LRWD1: variants seen among roughly 807,000 people sequenced by gnomAD.
LRWD1 encodes the protein leucine-rich repeat and WD repeat-containing protein 1.
A neutral mutation model predicts 75.6 loss-of-function variants in LRWD1; 76 were observed. The observed-to-expected ratio is 1.01, with a 90% CI of 0.84 to 1.22. The LOEUF (loss-of-function observed/expected upper bound fraction) is 1.22, where lower values mean the gene tolerates loss of function less well. LRWD1 is among the 50% of genes most tolerant of loss of function. The pLI is 0.00. For missense variants in LRWD1, 917 were observed against 862.0 expected (o/e 1.06, Z -0.80); for synonymous variants, 487 against 377.0 (o/e 1.29, Z -3.38).
intron 1 of LRWD1, 155 bp from the exon 2 acceptor site, chr7:102,465,662 A>C (rs1797948288): frequency 1.6e-6 from 1 of 626,774 alleles, no homozygotes; most frequent in Non-Finnish European, 2.8e-6. Flanking sequence ...ACTGAGTGAC[A>C]CCCCGTCTCT....
Position 102,472,792 on chromosome 7 carries a change from G to A in LRWD1, c.1791G>A (p.Gln597=). The A allele has an allele frequency of 6.2e-7, 1 of 1,613,438 alleles. No homozygotes were observed. Among genetic ancestry groups the A allele is most frequent in the Non-Finnish European group, 8.5e-7 (1 of 1,179,928 alleles). Residue 597 remains glutamine, a synonymous_variant, in exon 14 of 15, where the codon CAG becomes CAA. Coordinates refer to ENST00000292616, the MANE Select transcript of LRWD1 (RefSeq NM_152892.3). The part of the protein sequence containing the change: ...KQPPLLPAAL[Q]APTQILKWPQ... Reference sequence around the variant, plus strand: ...CACCCCTGCTGCCGGCAGCCCTGCAGGCCCCCACACAGGTACTGCCCGGCT... The same window carrying A: ...CACCCCTGCTGCCGGCAGCCCTGCAAGCCCCCACACAGGTACTGCCCGGCT...
At position 102,467,171 on chromosome 7, in the gene LRWD1, G is replaced by GGTGTGTGTGT. The variant is rs1209487514; in HGVS notation, c.433-133_433-124dup. ...TGGGTTGTTGCTGGGGTGTGTGTGG[G>GGTGTGTGTGT]GTGTGTGTGTGTGTGTGTGTGTGTG... On this transcript the variant is annotated intron_variant, in intron 3 of 14. Transcript: ENST00000292616. Among the ~76,000 whole-genome samples, 10 of 99,148 alleles carry GGTGTGTGTGT rather than the reference G, an allele frequency of 1.0e-4. No individual in the cohort carries two copies. In the South Asian group the frequency reaches 1.0e-3, roughly 10 times the overall value. The allele number at this position is 99,148 out of a possible 152,430, so 65.0% of individuals were successfully genotyped here.
At chr7:102,468,492 G>T in intron 7 of LRWD1, 62 bp from the exon 8 acceptor site, 1 of 1,543,482 alleles carries the variant, frequency 6.5e-7, no homozygotes, top group Non-Finnish European at 8.8e-7. Context: ...GGAGGAGGCT[G>T]CAGGGAGGAC....
intron 9 of LRWD1, among the ~76,000 whole-genome samples, 186 bp from the exon 10 acceptor site, chr7:102,469,388 G>A (rs968941629): frequency 1.3e-5 from 2 of 151,704 alleles, no homozygotes; most frequent in East Asian, 2.0e-4. Flanking sequence ...TGGAGCCACC[G>A]CATCAGGTTA....
At chr7:102,467,212 G>A in intron 3 of LRWD1, 127 bp from the exon 4 acceptor site, 2 of 763,978 alleles carry the variant, frequency 2.6e-6, no homozygotes, top group Admixed American at 2.2e-5. Flanking sequence ...GTGTGTGTGT[G>A]TGTTTTATGA....
At position 102,465,018 on chromosome 7, in the gene LRWD1, A is replaced by G. The variant is rs1033939790; in HGVS notation, c.-63A>G. ...GGACGCCAGTGCCGGGCTCCAGGAGACGCAGGGCGACGCCACACGCCGGGG... is the reference window on the plus strand; with the variant it reads ...GGACGCCAGTGCCGGGCTCCAGGAGGCGCAGGGCGACGCCACACGCCGGGG... On this transcript the variant is annotated 5_prime_UTR_variant, in exon 1 of 15. Coordinates refer to ENST00000292616, the MANE Select transcript of LRWD1 (RefSeq NM_152892.3). 17 of 1,388,376 alleles carry G rather than the reference A, an allele frequency of 1.2e-5. No homozygotes were observed. The Admixed American group carries it at 2.1e-4, about 17-fold the overall frequency. 86.0% of individuals were successfully genotyped at this position (1,388,376 alleles called of 1,614,324 possible). A position where few individuals can be genotyped will look rare whatever the true frequency, so the allele number is the denominator to read the frequency against.
At position 102,469,597 on chromosome 7, in the gene LRWD1, A is replaced by G. The variant is rs1273729005; in HGVS notation, c.1252A>G (p.Ile418Val). 6.2e-7 allele frequency: 1 copy of G among 1,614,022 alleles called. No individual in the cohort carries two copies. The highest frequency in any genetic ancestry group is 1.3e-5 in the African/African-American group (1 of 74,936). ...AGCGGCCTCCTATGACAAGCGGATC[A>G]TCCTCTGGGACATCGGGGTGCCCAA... ...LFTASYDKRI[I>V]LWDIGVPNQD... The change falls in exon 10 of 15, where the codon ATC (isoleucine) becomes GTC (valine). Residue 418 changes from isoleucine to valine, a missense_variant. Transcript: ENST00000292616.
intron 8 of LRWD1, 47 bp from the exon 9 acceptor site, chr7:102,468,808 C>T (rs1351238352): frequency 1.3e-6 from 2 of 1,596,804 alleles, no homozygotes; most frequent in Admixed American, 1.7e-5. Flanking sequence ...CGCGTGTTCA[C>T]ACCAATAGCT....
At position 102,469,794 on chromosome 7, in the gene LRWD1, G is replaced by A. The variant is rs749067680; in HGVS notation, c.1354G>A (p.Ala452Thr). The A allele has an allele frequency of 1.3e-5, 21 of 1,608,946 alleles. No homozygotes were observed. Among genetic ancestry groups the A allele is most frequent in the Admixed American group, 8.4e-5 (5 of 59,648 alleles). The change falls in exon 11 of 15, where the codon GCC becomes ACC. Residue 452 changes from alanine (A) to threonine (T), a missense_variant. Transcript: ENST00000292616. Reference protein sequence around the residue: ...TSIPLRLCPVASCPDARLLAG... With the variant: ...TSIPLRLCPVTSCPDARLLAG... ...TATCCCCCTGCGCCTCTGCCCTGTC[G>A]CCTCCTGCCCGGACGCCCGCCTGCT...
At position 102,469,797 on chromosome 7, in the gene LRWD1, T is replaced by C. The variant is rs1341724854; in HGVS notation, c.1357T>C (p.Ser453Pro). 9 of 1,608,684 alleles carry C rather than the reference T, an allele frequency of 5.6e-6. No individual in the cohort carries two copies. Among genetic ancestry groups the C allele is most frequent in the Non-Finnish European group, 7.6e-6 (9 of 1,177,466 alleles). Residue 453 changes from serine to proline, a missense_variant, in exon 11 of 15, where the codon TCC (serine) becomes CCC (proline). Physicochemically the swap from Ser to Pro is moderately conservative, Grantham distance 74 (BLOSUM62 -1). Coordinates refer to ENST00000292616, the MANE Select transcript of LRWD1 (RefSeq NM_152892.3). Reference sequence around the variant, plus strand: ...CCCCCTGCGCCTCTGCCCTGTCGCCTCCTGCCCGGACGCCCGCCTGCTGGC... The same window carrying C: ...CCCCCTGCGCCTCTGCCCTGTCGCCCCCTGCCCGGACGCCCGCCTGCTGGC... ...SIPLRLCPVASCPDARLLAGC... is the reference protein window; with the variant it reads ...SIPLRLCPVAPCPDARLLAGC...
At chr7:102,469,161 G>A (rs1341556118) in intron 9 of LRWD1, 99 bp downstream of exon 9, 3 of 1,120,438 alleles carry the variant, frequency 2.7e-6, no homozygotes, top group Non-Finnish European at 3.8e-6. Context: ...GTGAGCTCGG[G>A]CGCCTGCCGG....
Position 102,472,690 on chromosome 7 carries a change from A to G in LRWD1, c.1691-2A>G. 6.2e-7 allele frequency: 1 copy of G among 1,613,402 alleles called. No individual in the cohort carries two copies. The highest frequency in any genetic ancestry group is 2.2e-5 in the East Asian group (1 of 44,880). On this transcript the variant is annotated splice_acceptor_variant, in intron 13 of 14. Transcript: ENST00000292616. LOFTEE classifies it high-confidence loss of function. Reference sequence around the variant, plus strand: ...ACTCAGACTCCACCTCTGTCCCGGCAGATAAGGGGATTGTGCTCTGTGGGG... The same window carrying G: ...ACTCAGACTCCACCTCTGTCCCGGCGGATAAGGGGATTGTGCTCTGTGGGG...
At chr7:102,469,118 A>G (rs1407710862) in intron 9 of LRWD1, 56 bp downstream of exon 9, 4 of 1,456,996 alleles carry the variant, frequency 2.7e-6, no homozygotes, top group Non-Finnish European at 3.7e-6. Flanking sequence ...CTGCTGCCCC[A>G]GTAGCCTCCA....
intron 11 of LRWD1, chr7:102,470,902 A>C (rs2133271899): frequency 6.6e-6 from 1 of 152,378 alleles, no homozygotes; most frequent in Non-Finnish European, 1.5e-5. Context: ...AGTAGCTGGG[A>C]TTACAGGCGC....
chr7:102,467,799 A>G lies in LRWD1; in HGVS notation c.654A>G (p.Glu218=), dbSNP rs139828148. Reference sequence around the variant, plus strand: ...CTAACAGCCCAGAGAAGCCCCCAGAAGCTGGAGCTGCCCACAAGCCCAGGG... The same window carrying G: ...CTAACAGCCCAGAGAAGCCCCCAGAGGCTGGAGCTGCCCACAAGCCCAGGG... ...QKANSPEKPP[E]AGAAHKPRAR... is the part of the protein sequence containing the mutation. The change falls in exon 5 of 15, where the codon GAA becomes GAG. Residue 218 remains glutamate, a synonymous_variant. Coordinates refer to ENST00000292616, the MANE Select transcript of LRWD1 (RefSeq NM_152892.3). 6.1e-4 allele frequency: 944 copies of G among 1,550,768 alleles called. 1 individual carries two copies. Among genetic ancestry groups the G allele is most frequent in the Admixed American group, 3.0e-3 (151 of 51,034 alleles).
chr7:102,468,576 C>T lies in LRWD1; in HGVS notation c.942C>T (p.Ala314=), dbSNP rs753018576. 3 of 1,577,626 alleles carry T rather than the reference C, an allele frequency of 1.9e-6. No individual in the cohort carries two copies. Among genetic ancestry groups the T allele is most frequent in the African/African-American group, 1.3e-5 (1 of 74,158 alleles). The change falls in exon 8 of 15, where the codon GCC becomes GCT. Residue 314 remains alanine (A), a synonymous_variant. Transcript: ENST00000292616. ...WEEGATSQTV[A]TCGGEAVCVI... ...CAGGGGCCACATCCCAGACCGTGGC[C>T]ACGTGCGGCGGGGAGGCTGTGTGCG...
chr7:102,472,394 C>G, intron 12 of LRWD1, 60 bp from the exon 13 acceptor site: 1 of 1,550,088 alleles, frequency 6.5e-7, no homozygotes, highest in Non-Finnish European at 8.7e-7. Flanking sequence ...CTGAGGATCT[C>G]TAGTGGGAGA....
rs1425131599 is a variant in LRWD1, at chr7:102,472,321, C to T, written c.1534+12C>T. The T allele has an allele frequency of 6.4e-7, 1 of 1,563,730 alleles. No individual in the cohort carries two copies. Among genetic ancestry groups the T allele is most frequent in the East Asian group, 2.4e-5 (1 of 42,124 alleles). On this transcript the variant is annotated intron_variant, in intron 12 of 14. Coordinates refer to ENST00000292616, the MANE Select transcript of LRWD1 (RefSeq NM_152892.3). ...TGAGGACATCGTGGGTGAGTGAGCT[C>T]AGCTTGTGGGACAGCCTGGCCTCCG...
rs180769106 is a variant in LRWD1 at position 102,472,384 on chromosome 7, C to G, written c.1535-70C>G. The stretch of plus-strand genomic sequence containing the variant: ...GACCGCTTGTCCCTGGGCTAGGCTT[C>G]TGAGGATCTCTAGTGGGAGAAGGTG... On this transcript the variant is annotated intron_variant, in intron 12 of 14. Coordinates refer to ENST00000292616, the MANE Select transcript of LRWD1 (RefSeq NM_152892.3). 1.6e-4 allele frequency: 249 copies of G among 1,551,008 alleles called. 1 individual carries two copies. In the African/African-American group the frequency reaches 2.2e-3, roughly 14 times the overall value.
Sources: allele counts gnomAD v4.1 joint callset (sites outside exome capture counted in the v4.1 genomes callset), GRCh38; gene constraint gnomAD v4.1.1; transcripts MANE v1.5; gene names NCBI Gene and HGNC (gene_info 2026-07-23, HGNC 2026-07-21).